The following ERG variants were observed in gnomAD, a reference collection of about 807,000 sequenced individuals.
The protein encoded by ERG is transcriptional regulator ERG.
In ERG, 9 loss-of-function variants were observed where a neutral mutation model predicts 55.3. That is an observed-to-expected ratio of 0.16 (90% CI 0.10 to 0.28). ERG has a LOEUF of 0.28. ERG is among the 10% of genes least tolerant of loss of function. ERG has a pLI of 1.00. For synonymous variants in ERG, 223 were observed against 237.3 expected, an observed-to-expected ratio of 0.94 and a Z score of 0.55; for missense variants, 434 against 631.6, an observed-to-expected ratio of 0.69 and a Z score of 3.35.
chr21:38,426,495 C>A (rs981842446), intron 2 of ERG, among the ~76,000 whole-genome samples: 1 of 152,312 alleles, frequency 6.6e-6, no homozygotes, highest in South Asian at 2.1e-4. Context: ...ATCTAGACAA[C>A]CTTTGTTCAG....
intron 1 of ERG, among the ~76,000 whole-genome samples, chr21:38,458,976 C>T (rs1389436754): frequency 6.6e-6 from 1 of 152,146 alleles, no homozygotes; most frequent in Non-Finnish European, 1.5e-5. Flanking sequence ...CTTTTTTAAC[C>T]CTCTTTTCTT....
intron 3 of ERG, among the ~76,000 whole-genome samples, chr21:38,422,602 G>C (rs1297740024): frequency 6.6e-6 from 1 of 152,188 alleles, no homozygotes; most frequent in Non-Finnish European, 1.5e-5. Flanking sequence ...TTATATTTCT[G>C]GCTTTAGGTA....
intron 6 of ERG, chr21:38,395,357 T>C (rs1988164289): frequency 4.4e-6 from 1 of 227,264 alleles, no homozygotes. Context: ...GCTTGAAAAA[T>C]CACTCCTCTA....
intron 1 of ERG, among the ~76,000 whole-genome samples, chr21:38,593,554 A>C (rs117040541): frequency 0.02 from 3,088 of 152,260 alleles, 56 homozygotes; most frequent in Non-Finnish European, 0.031. Flanking sequence ...ATATAATTAC[A>C]AGGTCAAATC....
upstream of ERG, among the ~76,000 whole-genome samples, chr21:38,587,197 C>T (rs558559957): frequency 3.2e-4 from 49 of 152,120 alleles, no homozygotes; most frequent in African/African-American, 9.6e-4. Flanking sequence ...TTTTATAATC[C>T]TAAACATGCT....
intron 1 of ERG, among the ~76,000 whole-genome samples, chr21:38,608,595 G>A (rs1485043255): frequency 6.6e-6 from 1 of 152,208 alleles, no homozygotes; most frequent in Non-Finnish European, 1.5e-5. Flanking sequence ...AGGATGCTTT[G>A]TGAGACTTCA....
chr21:38,476,446 C>T (rs368515183), intron 1 of ERG, among the ~76,000 whole-genome samples: 15 of 152,302 alleles, frequency 9.8e-5, no homozygotes, highest in East Asian at 3.9e-4. Context: ...AACACCACTC[C>T]GCATTGTTTC....
At chr21:38,464,049 C>T (rs930322074) in intron 1 of ERG, among the ~76,000 whole-genome samples, 2 of 151,552 alleles carry the variant, frequency 1.3e-5, no homozygotes, top group Non-Finnish European at 2.9e-5. Flanking sequence ...ACTCCGAACA[C>T]TAGGATGAGC....
intron 2 of ERG, among the ~76,000 whole-genome samples, chr21:38,568,988 G>A (rs2059940580): frequency 1.3e-5 from 2 of 152,122 alleles, no homozygotes; most frequent in African/African-American, 2.4e-5. Context: ...GGGTGATAGG[G>A]GGTGAGCCAG....
intron 3 of ERG, among the ~76,000 whole-genome samples, chr21:38,416,511 A>ATTC (rs1989287895): frequency 6.6e-6 from 1 of 152,242 alleles, no homozygotes. Context: ...AAATGGCTGC[A>ATTC]TTCTTCCCTC....
At chr21:38,379,107 T>C (rs1368656746), downstream of ERG, among the ~76,000 whole-genome samples, 3 of 152,230 alleles carry the variant, frequency 2.0e-5, no homozygotes, top group African/African-American at 7.2e-5. Flanking sequence ...TGGGGAGGAC[T>C]GGATGGAGGT....
intron 1 of ERG, among the ~76,000 whole-genome samples, chr21:38,657,394 G>A (rs1457439007): frequency 1.3e-5 from 2 of 152,104 alleles, no homozygotes; most frequent in Non-Finnish European, 1.5e-5. Flanking sequence ...CTAAAACTTA[G>A]ATCCAGCGCT....
intron 1 of ERG, among the ~76,000 whole-genome samples, chr21:38,599,174 G>A (rs2060149301): frequency 6.6e-6 from 1 of 152,120 alleles, no homozygotes; most frequent in African/African-American, 2.4e-5. Flanking sequence ...CCATGGGGGG[G>A]CACACTGAGC....
At chr21:38,516,747 G>A (rs1341207209) in intron 2 of ERG, among the ~76,000 whole-genome samples, 1 of 152,040 alleles carries the variant, frequency 6.6e-6, no homozygotes, top group Non-Finnish European at 1.5e-5. Context: ...AAAAGAGCAT[G>A]ATACTAGTAT....
At chr21:38,486,478 C>T (rs894792357) in intron 1 of ERG, among the ~76,000 whole-genome samples, 28 of 152,108 alleles carry the variant, frequency 1.8e-4, no homozygotes, top group African/African-American at 5.6e-4. Context: ...CAGAACTGAC[C>T]GGGCATGGTG....
chr21:38,441,113 CG>C (rs2058837235), intron 2 of ERG, among the ~76,000 whole-genome samples: 1 of 152,172 alleles, frequency 6.6e-6, no homozygotes, highest in African/African-American at 2.4e-5. Context: ...CCAGCAGCAG[CG>C]GTGAACTGGC....
In ERG at chr21:38,382,844, G is replaced by A. The variant is rs915951663; in HGVS notation, c.*559C>T. The A allele has an allele frequency of 8.4e-6, 9 of 1,065,914 alleles. No individual in the cohort carries two copies. Among genetic ancestry groups the A allele is most frequent in the Admixed American group, 5.3e-5 (1 of 18,744 alleles). The allele number at this position is 1,065,914 out of a possible 1,614,324, so 66.0% of individuals were successfully genotyped here. A position where few individuals can be genotyped will look rare whatever the true frequency, so the allele number is the denominator to read the frequency against. On this transcript the variant is annotated 3_prime_UTR_variant, in exon 10 of 10. Transcript: ENST00000288319. Reference sequence around the variant, plus strand: ...GAAAGCTGACAGCTGTCCATCAAACGGAATGTATTTGATTTCAACCAAAAC... The same window carrying A: ...GAAAGCTGACAGCTGTCCATCAAACAGAATGTATTTGATTTCAACCAAAAC...
At chr21:38,504,126 C>G (rs1293651034) in intron 2 of ERG, among the ~76,000 whole-genome samples, 4 of 152,190 alleles carry the variant, frequency 2.6e-5, no homozygotes, top group Admixed American at 6.5e-5. Flanking sequence ...TCAACACTTT[C>G]TCTAAGTGGT....
At position 38,641,368 on chromosome 21, in the gene ERG, C is replaced by T. The variant is rs140556390; in HGVS notation, c.-150+20290G>A. On this transcript the variant is annotated intron_variant, in intron 1 of 10. Coordinates refer to the ERG transcript ENST00000398910. ...GGGCCCTCAACAGACAACAAACCTG[C>T]CAGTGCCTTGACATTGAACTTCCCA... Among the ~76,000 whole-genome samples the T allele has an allele frequency of 6.2e-3, 942 of 152,266 alleles. 15 individuals are homozygous for T. The highest frequency in any genetic ancestry group is 0.021 in the African/African-American group (874 of 41,540).
Sources: gnomAD v4.1 joint callset for allele counts (sites outside exome capture counted in the v4.1 genomes callset) on GRCh38, gnomAD v4.1.1 for gene constraint, MANE v1.5 for transcripts, NCBI Gene and HGNC (gene_info 2026-07-23, HGNC 2026-07-21) for gene names.